The following OLA1 variants were observed in gnomAD, a reference collection of about 807,000 sequenced individuals.
OLA1 encodes the protein obg-like ATPase 1.
A neutral mutation model predicts 48.4 loss-of-function variants in OLA1; 14 were observed. That is an observed-to-expected ratio of 0.29 (90% CI 0.19 to 0.45). OLA1 has a LOEUF of 0.45. Ranked by LOEUF, OLA1 falls within the 20% of genes least tolerant of loss-of-function variation. The pLI is 1.00. For synonymous variants in OLA1, 127 were observed against 150.4 expected, an observed-to-expected ratio of 0.84 and a Z score of 1.14; for missense variants, 325 against 467.1, an observed-to-expected ratio of 0.70 and a Z score of 2.80.
intron 4 of OLA1, among the ~76,000 whole-genome samples, chr2:174,175,062 A>G (rs983089742): frequency 3.3e-5 from 5 of 152,056 alleles, no homozygotes; most frequent in African/African-American, 7.2e-5. Flanking sequence ...ATGCATCTGT[A>G]TGGAAGAAAA....
At chr2:174,164,023 C>T (rs552928999) in intron 4 of OLA1, among the ~76,000 whole-genome samples, 9 of 151,178 alleles carry the variant, frequency 6.0e-5, no homozygotes, top group Admixed American at 4.0e-4. Flanking sequence ...AGTGGTTACC[C>T]CCATTCTGTT....
At chr2:174,157,922 C>A (rs570971372) in intron 4 of OLA1, among the ~76,000 whole-genome samples, 2 of 152,198 alleles carry the variant, frequency 1.3e-5, no homozygotes, top group Admixed American at 6.5e-5. Flanking sequence ...ACACACAGTT[C>A]TAAAATGAGA....
chr2:174,120,047 AAATAT>A (rs772292220), intron 7 of OLA1, among the ~76,000 whole-genome samples: 13 of 152,128 alleles, frequency 8.5e-5, no homozygotes, highest in Non-Finnish European at 1.6e-4. Context: ...ATAAATAATA[AAATAT>A]AATTATCCTT....
At chr2:174,089,648 T>C (rs1458398957) in intron 7 of OLA1, among the ~76,000 whole-genome samples, 3 of 152,106 alleles carry the variant, frequency 2.0e-5, no homozygotes, top group African/African-American at 7.2e-5. Context: ...ATGCCTGTAA[T>C]CCCAGGACTT....
intron 2 of OLA1, among the ~76,000 whole-genome samples, chr2:174,241,761 G>A (rs112478347): frequency 0.062 from 9,470 of 152,216 alleles, 350 homozygotes; most frequent in Middle Eastern, 0.14. Flanking sequence ...TCGGCCTCCC[G>A]AGTAGCTGGG....
rs1685963898 is a variant in OLA1 at position 174,123,338 on chromosome 2, CT to C, written c.631-62del. The C allele has an allele frequency of 2.6e-5, 20 of 763,388 alleles. 1 individual carries two copies. In the South Asian group the frequency reaches 3.7e-4, roughly 14 times the overall value. 47.3% of individuals were successfully genotyped at this position (763,388 alleles called of 1,614,324 possible). A position where few individuals can be genotyped will look rare whatever the true frequency, so the allele number is the denominator to read the frequency against. On this transcript the variant is annotated intron_variant, in intron 6 of 10. Transcript: ENST00000284719. ...AGTTTAGTAAATATGGAGTAAATCACTGAAGAATTTGAAAGTAAACATTCCT... is the reference window on the plus strand; with the variant it reads ...AGTTTAGTAAATATGGAGTAAATCACGAAGAATTTGAAAGTAAACATTCCT...
intron 7 of OLA1, among the ~76,000 whole-genome samples, chr2:174,100,048 T>A (rs1209639011): frequency 1.3e-5 from 2 of 152,230 alleles, no homozygotes; most frequent in African/African-American, 4.8e-5. Context: ...TTTCCTAGAA[T>A]GGCTGCATAA....
At chr2:174,139,693 C>T (rs987508601) in intron 5 of OLA1, among the ~76,000 whole-genome samples, 6 of 151,904 alleles carry the variant, frequency 3.9e-5, no homozygotes, top group African/African-American at 4.8e-5. Flanking sequence ...AATGAAACCC[C>T]GTCTCTACTA....
At chr2:174,151,390 A>C (rs1026755176) in intron 4 of OLA1, among the ~76,000 whole-genome samples, 2 of 152,226 alleles carry the variant, frequency 1.3e-5, no homozygotes, top group Non-Finnish European at 2.9e-5. Context: ...GGTCATATCA[A>C]ATCACAGCAC....
chr2:174,077,873 T>C (rs1169826019), intron 10 of OLA1, among the ~76,000 whole-genome samples: 1 of 152,038 alleles, frequency 6.6e-6, no homozygotes, highest in African/African-American at 2.4e-5. Flanking sequence ...TCTGAGATTT[T>C]TGTTCGTCTA....
intron 5 of OLA1, among the ~76,000 whole-genome samples, chr2:174,133,686 G>C (rs1398482077): frequency 1.3e-5 from 2 of 152,310 alleles, no homozygotes; most frequent in African/African-American, 4.8e-5. Context: ...CCCAACGTAA[G>C]TCCAGGAGCA....
intron 7 of OLA1, among the ~76,000 whole-genome samples, chr2:174,087,209 A>G (rs1182231545): frequency 6.6e-6 from 1 of 151,746 alleles, no homozygotes; most frequent in East Asian, 1.9e-4. Context: ...GTATTTTAGT[A>G]GAGATGGGGT....
chr2:174,119,978 C>T (rs1685877441), intron 7 of OLA1, among the ~76,000 whole-genome samples: 1 of 147,150 alleles, frequency 6.8e-6, no homozygotes, highest in Admixed American at 6.8e-5. Flanking sequence ...CACACACACA[C>T]AGTCTGCGTA....
At chr2:174,076,496 C>T (rs1684741033) in intron 10 of OLA1, among the ~76,000 whole-genome samples, 1 of 152,236 alleles carries the variant, frequency 6.6e-6, no homozygotes, top group East Asian at 1.9e-4. Context: ...ATTAGTGCTT[C>T]TCTTTGAAGA....
rs536150110 is a variant in OLA1 at position 174,217,377 on chromosome 2, T to C, written c.373+5656A>G. 4.8e-4 allele frequency among the ~76,000 whole-genome samples: 73 copies of C among 152,312 alleles called. 1 individual carries two copies. The highest frequency in any genetic ancestry group is 1.7e-3 in the African/African-American group (70 of 41,566). The stretch of plus-strand genomic sequence containing the variant: ...CTATACCCAGCCCTATTTTCATTTT[T>C]AAATCAATACAAATAGCTGCACCAA... On this transcript the variant is annotated intron_variant, in intron 4 of 10. Transcript: ENST00000284719.
intron 7 of OLA1, among the ~76,000 whole-genome samples, chr2:174,093,794 A>C (rs1685182042): frequency 6.6e-6 from 1 of 152,248 alleles, no homozygotes; most frequent in Admixed American, 6.5e-5. Flanking sequence ...TCCTATATAC[A>C]AGATAAACTT....
At chr2:174,129,889 G>C (rs574249281) in intron 5 of OLA1, among the ~76,000 whole-genome samples, 2 of 152,048 alleles carry the variant, frequency 1.3e-5, no homozygotes, top group Non-Finnish European at 2.9e-5. Flanking sequence ...TAACTTCCAA[G>C]TTATACTTAC....
intron 7 of OLA1, among the ~76,000 whole-genome samples, chr2:174,092,100 C>A (rs1230246325): frequency 2.8e-5 from 4 of 141,174 alleles, no homozygotes; most frequent in Non-Finnish European, 6.1e-5. Flanking sequence ...GCACTCCAGC[C>A]TAGGCAACAA....
intron 4 of OLA1, among the ~76,000 whole-genome samples, chr2:174,152,590 G>A (rs1341203788): frequency 6.6e-6 from 1 of 152,230 alleles, no homozygotes; most frequent in Admixed American, 6.5e-5. Flanking sequence ...AGCCTTCAGA[G>A]TTTGAAACAA....
Sources: allele counts gnomAD v4.1 joint callset (sites outside exome capture counted in the v4.1 genomes callset), GRCh38; gene constraint gnomAD v4.1.1; transcripts MANE v1.5; gene names NCBI Gene and HGNC (gene_info 2026-07-23, HGNC 2026-07-21).